The following LRMDA variants were observed in gnomAD, a reference collection of about 807,000 sequenced individuals.
LRMDA encodes the protein leucine rich melanocyte differentiation associated.
In LRMDA, 18 loss-of-function variants were observed where a neutral mutation model predicts 29.8. That is an observed-to-expected ratio of 0.60 (90% CI 0.42 to 0.90). LRMDA has a LOEUF of 0.90. Ranked by LOEUF, LRMDA falls within the 40% of genes least tolerant of loss-of-function variation. The pLI is 0.00. For synonymous variants in LRMDA, 125 were observed against 109.4 expected (o/e 1.14, Z -0.89); for missense variants, 273 against 273.9 (o/e 1.00, Z 0.02).
At chr10:75,964,939 A>G (rs1183485867) in intron 2 of LRMDA, among the ~76,000 whole-genome samples, 2 of 151,906 alleles carry the variant, frequency 1.3e-5, no homozygotes, top group Non-Finnish European at 2.9e-5. Context: ...TAATTTTTGT[A>G]TTTTTTGGTG....
chr10:76,553,252 C>A (rs1306012419), intron 6 of LRMDA, among the ~76,000 whole-genome samples: 1 of 152,170 alleles, frequency 6.6e-6, no homozygotes, highest in Non-Finnish European at 1.5e-5. Context: ...ATGGCCAAAG[C>A]CAGATCTTTT....
intron 2 of LRMDA, among the ~76,000 whole-genome samples, chr10:75,784,621 C>T (rs1329901729): frequency 1.3e-5 from 2 of 151,780 alleles, no homozygotes; most frequent in Non-Finnish European, 2.9e-5. Context: ...ATGGCGTGAA[C>T]CCGGGAGGCG....
At chr10:76,340,489 C>G (rs1423301891) in intron 6 of LRMDA, among the ~76,000 whole-genome samples, 2 of 113,182 alleles carry the variant, frequency 1.8e-5, no homozygotes, top group African/African-American at 7.0e-5. Context: ...GCACTCCAGA[C>G]TAGGTGACAG....
chr10:76,179,486 G>A (rs529610876), intron 5 of LRMDA, among the ~76,000 whole-genome samples: 4 of 152,300 alleles, frequency 2.6e-5, no homozygotes, highest in South Asian at 4.2e-4. Flanking sequence ...TTAAGGCAAG[G>A]ACACATGACA....
intron 2 of LRMDA, among the ~76,000 whole-genome samples, chr10:75,690,994 T>C (rs3001911): frequency 0.24 from 23,992 of 99,728 alleles, 3,222 homozygotes; most frequent in African/African-American, 0.3. Flanking sequence ...TATATATATA[T>C]ACACACACAC....
intron 2 of LRMDA, among the ~76,000 whole-genome samples, chr10:75,580,821 G>C (rs7897165): frequency 0.4 from 61,523 of 152,048 alleles, 13,817 homozygotes; most frequent in Non-Finnish European, 0.5. Flanking sequence ...AATGGGGAAA[G>C]GATTCCCTAT....
chr10:76,287,483 C>T (rs1176245322), intron 5 of LRMDA, among the ~76,000 whole-genome samples: 1 of 151,954 alleles, frequency 6.6e-6, no homozygotes, highest in African/African-American at 2.4e-5. Flanking sequence ...TAACTTGACT[C>T]TAAGCAATTT....
At chr10:75,750,320 A>T (rs1254861235) in intron 2 of LRMDA, among the ~76,000 whole-genome samples, 1 of 150,562 alleles carries the variant, frequency 6.6e-6, no homozygotes, top group African/African-American at 2.5e-5. Context: ...TCCCTCCCGG[A>T]CGGGGCAGCT....
intron 5 of LRMDA, among the ~76,000 whole-genome samples, chr10:76,252,927 T>C (rs954660388): frequency 6.6e-6 from 1 of 152,186 alleles, no homozygotes; most frequent in African/African-American, 2.4e-5. Flanking sequence ...GATATTAGAC[T>C]CGTGGAACCT....
At chr10:75,455,605 A>G (rs1006565216) in intron 2 of LRMDA, among the ~76,000 whole-genome samples, 2 of 152,164 alleles carry the variant, frequency 1.3e-5, no homozygotes, top group Non-Finnish European at 2.9e-5. Flanking sequence ...GGAGCTATAC[A>G]TGGAGAGAGG....
intron 2 of LRMDA, among the ~76,000 whole-genome samples, chr10:75,909,453 T>A (rs192235134): frequency 1.3e-5 from 2 of 152,144 alleles, no homozygotes; most frequent in East Asian, 1.9e-4. Context: ...CTGTGGCGTA[T>A]CCTCTGAAAA....
At chr10:76,549,116 C>T (rs1013505507) in intron 6 of LRMDA, among the ~76,000 whole-genome samples, 3 of 152,142 alleles carry the variant, frequency 2.0e-5, no homozygotes, top group Non-Finnish European at 4.4e-5. Context: ...TCCCCTTCTT[C>T]TTCTAAGATG....
At chr10:75,547,420 T>C (rs796773061) in intron 2 of LRMDA, among the ~76,000 whole-genome samples, 51 of 152,334 alleles carry the variant, frequency 3.3e-4, no homozygotes, top group African/African-American at 1.2e-3. Context: ...CAAGTGACTG[T>C]GGCTCTGACA....
intron 2 of LRMDA, among the ~76,000 whole-genome samples, chr10:75,649,941 G>A (rs1841575496): frequency 6.6e-6 from 1 of 152,148 alleles, no homozygotes; most frequent in African/African-American, 2.4e-5. Context: ...GTCTATTCAA[G>A]TCCTTTGCCC....
At chr10:75,572,162 C>T (rs1276136297) in intron 2 of LRMDA, among the ~76,000 whole-genome samples, 1 of 152,114 alleles carries the variant, frequency 6.6e-6, no homozygotes, top group African/African-American at 2.4e-5. Context: ...CCATGTTGGC[C>T]AGGATGGTCT....
At chr10:76,288,299 GA>G (rs1440658349) in intron 5 of LRMDA, among the ~76,000 whole-genome samples, 1 of 152,094 alleles carries the variant, frequency 6.6e-6, no homozygotes, top group East Asian at 1.9e-4. Flanking sequence ...ATACCTAAAG[GA>G]ATATAAATCA....
intron 5 of LRMDA, among the ~76,000 whole-genome samples, chr10:76,185,662 C>T (rs180973025): frequency 1.9e-4 from 29 of 152,322 alleles, no homozygotes; most frequent in African/African-American, 6.5e-4. Context: ...CCTCTTGTCC[C>T]TCTGTTAAGG....
chr10:75,437,049 C>T (rs1341634478), intron 1 of LRMDA, among the ~76,000 whole-genome samples: 1 of 152,124 alleles, frequency 6.6e-6, no homozygotes, highest in African/African-American at 2.4e-5. Context: ...TCCTTATTTT[C>T]TCTCCTCCTA....
Position 75,514,528 on chromosome 10 carries a change from G to C in LRMDA, c.131+76034G>C, listed in dbSNP as rs533726365. Among the ~76,000 whole-genome samples the C allele has an allele frequency of 2.5e-4, 38 of 152,218 alleles. No individual in the cohort carries two copies. The South Asian group carries it at 7.7e-3, about 31-fold the overall frequency. On this transcript the variant is annotated intron_variant, in intron 2 of 6. Coordinates refer to ENST00000611255, the MANE Select transcript of LRMDA (RefSeq NM_001305581.2). ...ATGTTGAAATTTGGTCCCCAGTGTTGGAGGTAGGGCCTAATGGGAGGTGTT... is the reference window on the plus strand; with the variant it reads ...ATGTTGAAATTTGGTCCCCAGTGTTCGAGGTAGGGCCTAATGGGAGGTGTT...
Sources: gnomAD v4.1 joint callset for allele counts (sites outside exome capture counted in the v4.1 genomes callset) on GRCh38, gnomAD v4.1.1 for gene constraint, MANE v1.5 for transcripts, NCBI Gene and HGNC (gene_info 2026-07-23, HGNC 2026-07-21) for gene names.